The following DGKB variants were observed in gnomAD, a reference collection of about 807,000 sequenced individuals.
DGKB encodes diacylglycerol kinase beta.
In DGKB, 67 loss-of-function variants were observed where a neutral mutation model predicts 114.3. The ratio of observed to expected loss-of-function variants is 0.59; its 90% CI spans 0.48 to 0.72. The LOEUF is 0.72. Ranked by LOEUF, DGKB falls within the 30% of genes least tolerant of loss-of-function variation. DGKB has a pLI of 0.00. For synonymous variants in DGKB, 398 were observed against 323.1 expected (o/e 1.23, Z -2.49); for missense variants, 907 against 975.2 (o/e 0.93, Z 0.93).
At chr7:14,275,215 T>C (rs1798826722) in intron 23 of DGKB, among the ~76,000 whole-genome samples, 1 of 152,164 alleles carries the variant, frequency 6.6e-6, no homozygotes, top group African/African-American at 2.4e-5. Flanking sequence ...ATTGTTTTGT[T>C]TTTAAATGTG....
At chr7:14,856,752 T>C (rs1341802264) in intron 1 of DGKB, among the ~76,000 whole-genome samples, 1 of 152,132 alleles carries the variant, frequency 6.6e-6, no homozygotes, top group African/African-American at 2.4e-5. Context: ...AAACCAATAA[T>C]GCAAAAACAT....
chr7:14,469,964 C>T (rs994447423), intron 21 of DGKB, among the ~76,000 whole-genome samples: 8 of 151,750 alleles, frequency 5.3e-5, no homozygotes, highest in African/African-American at 1.9e-4. Flanking sequence ...TATCTGTACA[C>T]TATATGGTTT....
At chr7:14,366,568 C>G (rs532985739) in intron 21 of DGKB, among the ~76,000 whole-genome samples, 4 of 152,218 alleles carry the variant, frequency 2.6e-5, no homozygotes, top group Non-Finnish European at 5.9e-5. Context: ...TTCACATTTA[C>G]TGCTTTCTTC....
Position 14,247,618 on chromosome 7 carries a change from C to T in DGKB, c.2123-69467G>A, listed in dbSNP as rs531729910. ...TAATAAGTGATGTTGAGCATTTCTT[C>T]GCATATCTTTTGGCCATTTGTATGT... On this transcript the variant is annotated intron_variant, in intron 23 of 25. Coordinates refer to ENST00000402815, the MANE Select transcript of DGKB (RefSeq NM_001350709.2). Among the ~76,000 whole-genome samples the T allele has an allele frequency of 1.2e-4, 19 of 152,136 alleles. No individual in the cohort carries two copies. In the South Asian group the frequency reaches 2.7e-3, roughly 22 times the overall value.
chr7:14,866,235 T>C (rs1425257355), intron 1 of DGKB, among the ~76,000 whole-genome samples: 3 of 152,174 alleles, frequency 2.0e-5, no homozygotes, highest in Non-Finnish European at 4.4e-5. Context: ...GGTACATTTG[T>C]TGCAACTGAT....
In DGKB at chr7:14,700,023, C is replaced by T. The variant is rs199998671; in HGVS notation, c.516+1658G>A. Among the ~76,000 whole-genome samples the T allele has an allele frequency of 3.9e-5, 6 of 151,972 alleles. No individual in the cohort carries two copies. The East Asian group carries it at 1.2e-3, about 29-fold the overall frequency. ...AGAAACATTAAATAAAACAACTCTC[C>T]TTGAAAATAGAATTTGCATTAGTGT... On this transcript the variant is annotated intron_variant, in intron 7 of 25. Coordinates refer to ENST00000402815, the MANE Select transcript of DGKB (RefSeq NM_001350709.2).
chr7:14,385,364 T>G (rs1820150583), intron 21 of DGKB, among the ~76,000 whole-genome samples: 3 of 152,140 alleles, frequency 2.0e-5, no homozygotes. Flanking sequence ...ACTGTAGAAA[T>G]GTAAAACCTG....
intron 21 of DGKB, among the ~76,000 whole-genome samples, chr7:14,361,062 G>A (rs1259003440): frequency 6.6e-6 from 1 of 151,848 alleles, no homozygotes; most frequent in East Asian, 1.9e-4. Context: ...GACTACCACA[G>A]CTTCACAACT....
chr7:14,378,339 C>T (rs1019712397), intron 21 of DGKB, among the ~76,000 whole-genome samples: 4 of 151,862 alleles, frequency 2.6e-5, no homozygotes, highest in East Asian at 1.9e-4. Flanking sequence ...TCAAAAAGCA[C>T]GATAATATTA....
At chr7:14,495,953 T>G (rs1276213697) in intron 20 of DGKB, among the ~76,000 whole-genome samples, 1 of 151,832 alleles carries the variant, frequency 6.6e-6, no homozygotes, top group Non-Finnish European at 1.5e-5. Flanking sequence ...CAGGCTACTG[T>G]TAAAGAGGAA....
intron 2 of DGKB, among the ~76,000 whole-genome samples, chr7:14,810,758 G>A (rs937466382): frequency 2.6e-5 from 4 of 151,960 alleles, no homozygotes; most frequent in African/African-American, 9.7e-5. Flanking sequence ...ACAGGCATGC[G>A]CCACCATGCC....
chr7:14,760,346 A>C (rs1835506154), intron 2 of DGKB, among the ~76,000 whole-genome samples: 1 of 152,168 alleles, frequency 6.6e-6, no homozygotes, highest in Non-Finnish European at 1.5e-5. Context: ...AAACAATAGC[A>C]TTGCAATAAA....
At chr7:14,621,564 T>C (rs1465212416) in intron 14 of DGKB, 70 bp from the exon 15 acceptor site, 6 of 933,334 alleles carry the variant, frequency 6.4e-6, no homozygotes, top group African/African-American at 1.7e-5. Flanking sequence ...AAGTTGTTTT[T>C]ACTAATAGAA....
intron 1 of DGKB, among the ~76,000 whole-genome samples, chr7:14,917,939 G>C (rs1784320937): frequency 6.6e-6 from 1 of 151,940 alleles, no homozygotes; most frequent in African/African-American, 2.4e-5. Context: ...GGAATGCAAG[G>C]CTAGTTGAAC....
intron 23 of DGKB, among the ~76,000 whole-genome samples, chr7:14,298,526 C>T (rs1802970614): frequency 3.9e-5 from 6 of 152,098 alleles, no homozygotes; most frequent in Non-Finnish European, 2.9e-5. Flanking sequence ...AAACTGGACC[C>T]CTTCTTTACA....
At chr7:14,873,152 C>T (rs563294371) in intron 1 of DGKB, among the ~76,000 whole-genome samples, 7 of 152,140 alleles carry the variant, frequency 4.6e-5, no homozygotes, top group South Asian at 2.1e-4. Context: ...CATGAATGTT[C>T]GTTAAACTTC....
intron 23 of DGKB, among the ~76,000 whole-genome samples, chr7:14,328,282 A>G (rs73263928): frequency 0.044 from 6,740 of 152,156 alleles, 348 homozygotes; most frequent in East Asian, 0.17. Context: ...CGGTAAAATA[A>G]AATTATTTAA....
rs552024273 is a variant in DGKB, at chr7:14,468,199, C to T, written c.1835+9962G>A. On this transcript the variant is annotated intron_variant, in intron 21 of 25. Transcript: ENST00000402815. The stretch of plus-strand genomic sequence containing the variant: ...TAGTCAATTCCAAATACAGATCTAT[C>T]GGCTATCTATGAACATCAAAGGGGA... Among the ~76,000 whole-genome samples the T allele has an allele frequency of 1.5e-3, 232 of 152,102 alleles. 2 individuals are homozygous for T. The highest frequency in any genetic ancestry group is 3.4e-3 in the Middle Eastern group (1 of 294).
chr7:14,516,109 A>C (rs772477628), intron 20 of DGKB, among the ~76,000 whole-genome samples: 1 of 152,148 alleles, frequency 6.6e-6, no homozygotes, highest in Non-Finnish European at 1.5e-5. Context: ...TGGCCTCCCA[A>C]AGTGCTAGGA....
Sources: allele counts gnomAD v4.1 joint callset (sites outside exome capture counted in the v4.1 genomes callset), GRCh38; gene constraint gnomAD v4.1.1; transcripts MANE v1.5; gene names NCBI Gene and HGNC (gene_info 2026-07-23, HGNC 2026-07-21).